Variants in KCNK17 observed in about 807,000 individuals in gnomAD.
KCNK17 encodes the protein potassium channel subfamily K member 17.
In KCNK17, 27 loss-of-function variants were observed where a neutral mutation model predicts 24.6. That is an observed-to-expected ratio of 1.10 (90% CI 0.81 to 1.51). KCNK17 has a LOEUF of 1.51. Ranked by LOEUF, KCNK17 falls within the 40% of genes most tolerant of loss-of-function variation. The pLI, the probability that KCNK17 is intolerant of heterozygous loss-of-function variation, is 0.00. For missense variants in KCNK17, 450 were observed against 436.6 expected (o/e 1.03, Z -0.27); for synonymous variants, 181 against 189.8 (o/e 0.95, Z 0.38).
chr6:39,310,625 T>A (rs1762116539), intron 2 of KCNK17, among the ~76,000 whole-genome samples: 1 of 152,096 alleles, frequency 6.6e-6, no homozygotes, highest in South Asian at 2.1e-4. Flanking sequence ...AAAGGCCATG[T>A]GGGGCAGAAG....
chr6:39,303,863 G>T, intron 4 of KCNK17, 94 bp downstream of exon 4: 1 of 1,392,724 alleles, frequency 7.2e-7, no homozygotes, highest in Non-Finnish European at 9.9e-7. Flanking sequence ...CCCACATGGC[G>T]TGCACACAGC....
rs376144090 is a variant in KCNK17, at chr6:39,304,631, G to A, written c.377C>T (p.Thr126Met). ...TIGYGNLSPNTMAARLFCIFF... is the reference protein window; with the variant it reads ...TIGYGNLSPNMMAARLFCIFF... ...GATGCAGAAGAGGCGGGCAGCCATC[G>A]TGTTGGGGCTCAGGTTGCCATAGCC... Residue 126 changes from threonine (T) to methionine (M), a missense_variant, in exon 3 of 5, where the codon ACG becomes ATG. By Grantham distance (81) the Thr-to-Met change is moderately conservative (BLOSUM62 -1). Coordinates refer to ENST00000373231, the MANE Select transcript of KCNK17 (RefSeq NM_031460.4). 1.2e-5 allele frequency: 20 copies of A among 1,612,782 alleles called. No homozygotes were observed. The highest frequency in any genetic ancestry group is 2.7e-5 in the African/African-American group (2 of 74,886).
In KCNK17 at chr6:39,304,096, G is replaced by T; in HGVS notation, c.549C>A (p.Gly183=). The change falls in exon 4 of 5, where the codon GGC becomes GGA. Residue 183 remains glycine (G), a synonymous_variant. Transcript: ENST00000373231. ...PDKARWLAGS[G]ALLSGLLLFL... ...AGAGCAGGAGGCCCGAGAGGAGGGCGCCAGAGCCCGCCAGCCACCGCGCCT... is the reference window on the plus strand; with the variant it reads ...AGAGCAGGAGGCCCGAGAGGAGGGCTCCAGAGCCCGCCAGCCACCGCGCCT... 1 of 1,610,938 alleles carries T rather than the reference G, an allele frequency of 6.2e-7. No homozygotes were observed. Among genetic ancestry groups the T allele is most frequent in the South Asian group, 1.1e-5 (1 of 91,022 alleles).
At chr6:39,299,874 C>T (rs1761920827) in intron 4 of KCNK17, 137 bp from the exon 5 acceptor site, 2 of 873,234 alleles carry the variant, frequency 2.3e-6, no homozygotes, top group Non-Finnish European at 3.5e-6. Context: ...AGACTCCTAG[C>T]CTCATGGTCA....
chr6:39,304,240 C>T (rs1271952350), intron 3 of KCNK17, 109 bp from the exon 4 acceptor site: 5 of 1,096,442 alleles, frequency 4.6e-6, no homozygotes, highest in Non-Finnish European at 6.5e-6. Context: ...GGGGGCTCTT[C>T]ACCTGGTCTG....
chr6:39,311,385 C>T (rs570065708), intron 1 of KCNK17, among the ~76,000 whole-genome samples: 130 of 152,232 alleles, frequency 8.5e-4, no homozygotes, highest in African/African-American at 2.8e-3. Flanking sequence ...GGGACGTGAC[C>T]ACAAGAGACA....
At chr6:39,299,811 T>A in intron 4 of KCNK17, 74 bp from the exon 5 acceptor site, 2 of 1,470,664 alleles carry the variant, frequency 1.4e-6, no homozygotes, top group East Asian at 4.5e-5. Flanking sequence ...GAAACAGAGA[T>A]ACATGGTTTG....
rs759799603 is a variant in KCNK17, at chr6:39,299,417, T to G, written c.*10A>C. 9 of 1,600,212 alleles carry G rather than the reference T, an allele frequency of 5.6e-6. No homozygotes were observed. Among genetic ancestry groups the G allele is most frequent in the Non-Finnish European group, 5.1e-6 (6 of 1,169,500 alleles). ...GCTACCGAGGACGACGACCAAAGAA[T>G]GGAGTATAACTAGCTGTCCTTGCCA... On this transcript the variant is annotated 3_prime_UTR_variant, in exon 5 of 5. Transcript: ENST00000373231.
chr6:39,306,486 A>G (rs1308057982), intron 2 of KCNK17, among the ~76,000 whole-genome samples: 1 of 152,270 alleles, frequency 6.6e-6, no homozygotes, highest in Non-Finnish European at 1.5e-5. Context: ...ATGTGTAAGT[A>G]AATGAACAAA....
chr6:39,313,273 T>C (rs757005546), intron 1 of KCNK17, among the ~76,000 whole-genome samples: 6 of 152,118 alleles, frequency 3.9e-5, no homozygotes, highest in Non-Finnish European at 7.4e-5. Flanking sequence ...GAGCCTCTGC[T>C]CAGATTTACC....
intron 4 of KCNK17, among the ~76,000 whole-genome samples, chr6:39,303,393 T>C (rs1453921617): frequency 6.6e-6 from 1 of 152,230 alleles, no homozygotes; most frequent in African/African-American, 2.4e-5. Flanking sequence ...AGCCTGATTA[T>C]GCAAGGCTGG....
chr6:39,308,106 C>T (rs1762067424), intron 2 of KCNK17, among the ~76,000 whole-genome samples: 2 of 152,174 alleles, frequency 1.3e-5, no homozygotes, highest in African/African-American at 2.4e-5. Flanking sequence ...TCTCTAAGCA[C>T]ACCCCACTAC....
intron 4 of KCNK17, among the ~76,000 whole-genome samples, chr6:39,300,766 GC>G (rs1312042736): frequency 6.6e-6 from 1 of 152,006 alleles, no homozygotes; most frequent in African/African-American, 2.4e-5. Context: ...CATTCTTTCT[GC>G]CTCTGGGCTT....
At chr6:39,311,109 C>G in intron 1 of KCNK17, 102 bp from the exon 2 acceptor site, 1 of 572,462 alleles carries the variant, frequency 1.7e-6, no homozygotes, top group Non-Finnish European at 3.1e-6. Context: ...CACACACACA[C>G]ACACACACAC....
chr6:39,304,446 CCT>C (rs1358662335), intron 3 of KCNK17, 47 bp downstream of exon 3: 1 of 1,513,288 alleles, frequency 6.6e-7, no homozygotes, highest in Admixed American at 1.7e-5. Context: ...CACCACAGCC[CCT>C]CATTCTAGAA....
At chr6:39,303,667 T>C (rs182782660) in intron 4 of KCNK17, among the ~76,000 whole-genome samples, 6 of 152,200 alleles carry the variant, frequency 3.9e-5, no homozygotes, top group Non-Finnish European at 8.8e-5. Flanking sequence ...AGGGAGACCC[T>C]GGGGCAAGCA....
chr6:39,305,896 A>G (rs1762027581), intron 2 of KCNK17, among the ~76,000 whole-genome samples: 1 of 152,136 alleles, frequency 6.6e-6, no homozygotes, highest in Admixed American at 6.5e-5. Flanking sequence ...TGACCCTTCC[A>G]GTCCTCGACT....
At chr6:39,310,857 C>A in intron 2 of KCNK17, 36 bp downstream of exon 2, 4 of 1,154,448 alleles carry the variant, frequency 3.5e-6, no homozygotes, top group South Asian at 1.4e-5. Flanking sequence ...GCCTCCTTCC[C>A]CCACCCCCAT....
intron 2 of KCNK17, among the ~76,000 whole-genome samples, chr6:39,307,014 G>A (rs924360788): frequency 6.6e-6 from 1 of 152,002 alleles, no homozygotes; most frequent in Non-Finnish European, 1.5e-5. Context: ...TGCCTGCCTT[G>A]GCCTCCCAAA....
Sources: allele counts gnomAD v4.1 joint callset (sites outside exome capture counted in the v4.1 genomes callset), GRCh38; gene constraint gnomAD v4.1.1; transcripts MANE v1.5; gene names NCBI Gene and HGNC (gene_info 2026-07-23, HGNC 2026-07-21).